The following INPP4B variants were observed in gnomAD, a reference collection of about 807,000 sequenced individuals.
INPP4B encodes inositol polyphosphate 4-phosphatase type II.
Under a neutral mutation model 122.5 loss-of-function variants are expected in INPP4B, and 55 were observed. The ratio of observed to expected loss-of-function variants is 0.45; its 90% CI spans 0.36 to 0.56. The LOEUF is 0.56. Among genes scored for constraint, INPP4B ranks in the 20% least tolerant of loss-of-function variants. The pLI is 0.00. For missense variants in INPP4B, 1,000 were observed against 1,097.7 expected (o/e 0.91, Z 1.26); for synonymous variants, 403 against 388.7 (o/e 1.04, Z -0.43).
intron 9 of INPP4B, among the ~76,000 whole-genome samples, chr4:142,290,150 A>G (rs1410990918): frequency 7.0e-6 from 1 of 142,460 alleles, no homozygotes; most frequent in Non-Finnish European, 1.5e-5. Flanking sequence ...TTTCATTTCT[A>G]TACCACCTGG....
At chr4:142,780,094 A>G (rs952170381) in intron 1 of INPP4B, among the ~76,000 whole-genome samples, 2 of 152,206 alleles carry the variant, frequency 1.3e-5, no homozygotes, top group Non-Finnish European at 2.9e-5. Context: ...GAAAGAATAG[A>G]GCAACTTCTG....
At chr4:142,167,162 A>G (rs1823183599) in intron 16 of INPP4B, among the ~76,000 whole-genome samples, 1 of 151,904 alleles carries the variant, frequency 6.6e-6, no homozygotes, top group Non-Finnish European at 1.5e-5. Flanking sequence ...TCAATGATAG[A>G]CTGGATAAAG....
intron 1 of INPP4B, among the ~76,000 whole-genome samples, chr4:142,844,526 A>G (rs1183564219): frequency 6.6e-6 from 1 of 152,252 alleles, no homozygotes; most frequent in Admixed American, 6.5e-5. Context: ...TTCAATGCCC[A>G]TGTACCTTTC....
At chr4:142,443,930 AT>A (rs558060725) in intron 3 of INPP4B, among the ~76,000 whole-genome samples, 1 of 152,218 alleles carries the variant, frequency 6.6e-6, no homozygotes, top group Non-Finnish European at 1.5e-5. Flanking sequence ...AAGCAAAAAA[AT>A]AATATGTACA....
chr4:142,393,110 C>T (rs1222970137), intron 7 of INPP4B, among the ~76,000 whole-genome samples: 1 of 151,756 alleles, frequency 6.6e-6, no homozygotes, highest in Non-Finnish European at 1.5e-5. Context: ...AATGTAAGAC[C>T]CTGAAGACAT....
intron 23 of INPP4B, among the ~76,000 whole-genome samples, chr4:142,107,580 G>C (rs955214920): frequency 6.6e-6 from 1 of 152,000 alleles, no homozygotes; most frequent in African/African-American, 2.4e-5. Context: ...TTAAAGGCTT[G>C]GGTGCCTTAA....
At chr4:142,522,751 T>C (rs1826267255) in intron 2 of INPP4B, among the ~76,000 whole-genome samples, 1 of 152,210 alleles carries the variant, frequency 6.6e-6, no homozygotes, top group South Asian at 2.1e-4. Context: ...AGACTGACCT[T>C]CATTTATATC....
intron 2 of INPP4B, among the ~76,000 whole-genome samples, chr4:142,522,409 A>G (rs1580275685): frequency 7.1e-6 from 1 of 139,954 alleles, no homozygotes; most frequent in East Asian, 2.1e-4. Flanking sequence ...ATTCACAGGC[A>G]TGATCACAGA....
rs150101257 is a variant in INPP4B at position 142,724,773 on chromosome 4, A to C, written c.-191+1066T>G. ...AGAAATATATCACATTTGTAATTCA[A>C]ATTTAACAATTTATTTTTGCTCAAC... On this transcript the variant is annotated intron_variant, in intron 2 of 25. Coordinates refer to ENST00000262992, the MANE Select transcript of INPP4B (RefSeq NM_001101669.3). Among the ~76,000 whole-genome samples the C allele has an allele frequency of 1.1e-3, 168 of 152,242 alleles. 1 individual carries two copies. The highest frequency in any genetic ancestry group is 3.2e-3 in the African/African-American group (135 of 41,574).
At chr4:142,772,890 C>CA (rs1263637291) in intron 1 of INPP4B, among the ~76,000 whole-genome samples, 6 of 151,662 alleles carry the variant, frequency 4.0e-5, no homozygotes, top group Non-Finnish European at 5.9e-5. Context: ...ACTAAAAATA[C>CA]AAAAAATTAG....
chr4:142,749,908 A>G (rs1362164705), intron 1 of INPP4B, among the ~76,000 whole-genome samples: 1 of 152,068 alleles, frequency 6.6e-6, no homozygotes, highest in Non-Finnish European at 1.5e-5. Flanking sequence ...AATCAGAGCC[A>G]CACAATAATA....
intron 2 of INPP4B, among the ~76,000 whole-genome samples, chr4:142,523,369 T>C (rs969395147): frequency 6.6e-6 from 1 of 152,112 alleles, no homozygotes. Context: ...GTGAACATGA[T>C]GTAAGAGGAT....
At chr4:142,044,606 A>G (rs1483614416) in intron 25 of INPP4B, among the ~76,000 whole-genome samples, 1 of 152,078 alleles carries the variant, frequency 6.6e-6, no homozygotes, top group Non-Finnish European at 1.5e-5. Flanking sequence ...GAGCACTGAT[A>G]GTGAAAGAAA....
intron 25 of INPP4B, among the ~76,000 whole-genome samples, chr4:142,061,913 T>C (rs1369732564): frequency 0.039 from 274 of 6,948 alleles, 11 homozygotes; most frequent in South Asian, 0.1. Context: ...TATATATATA[T>C]ATATATATAT....
At chr4:142,359,794 ATACT>A (rs1784815485) in intron 7 of INPP4B, among the ~76,000 whole-genome samples, 1 of 151,986 alleles carries the variant, frequency 6.6e-6, no homozygotes, top group African/African-American at 2.4e-5. Context: ...TTGGTATCCC[ATACT>A]TACTTTAATA....
intron 9 of INPP4B, among the ~76,000 whole-genome samples, chr4:142,296,606 AC>A (rs1328795520): frequency 6.6e-6 from 1 of 152,258 alleles, no homozygotes; most frequent in Non-Finnish European, 1.5e-5. Flanking sequence ...CTCACAGAGA[AC>A]CCCACGAAGT....
chr4:142,435,131 T>C (rs1810151486), intron 3 of INPP4B, among the ~76,000 whole-genome samples: 1 of 152,076 alleles, frequency 6.6e-6, no homozygotes, highest in Non-Finnish European at 1.5e-5. Flanking sequence ...CACATGGTCA[T>C]GTGAGACCCT....
intron 1 of INPP4B, among the ~76,000 whole-genome samples, chr4:142,776,012 T>C (rs1190528662): frequency 6.6e-6 from 1 of 152,190 alleles, no homozygotes; most frequent in Non-Finnish European, 1.5e-5. Context: ...TTAAAATATA[T>C]CTATGTCTTT....
chr4:142,144,462 C>T (rs1809601741), intron 18 of INPP4B, among the ~76,000 whole-genome samples: 1 of 151,988 alleles, frequency 6.6e-6, no homozygotes, highest in African/African-American at 2.4e-5. Flanking sequence ...ACAGCAGTGT[C>T]TGGCCCATAC....
Sources: gnomAD v4.1 joint callset for allele counts (sites outside exome capture counted in the v4.1 genomes callset) on GRCh38, gnomAD v4.1.1 for gene constraint, MANE v1.5 for transcripts, NCBI Gene and HGNC (gene_info 2026-07-23, HGNC 2026-07-21) for gene names.